Variants in ERAP1 observed in about 807,000 individuals in gnomAD.
The protein encoded by ERAP1 is adipocyte-derived leucine aminopeptidase.
ERAP1 carries 86 observed loss-of-function variants against 103.7 expected under a neutral mutation model. The observed-to-expected ratio is 0.83, with a 90% CI of 0.70 to 0.99. The LOEUF (loss-of-function observed/expected upper bound fraction) is 0.99, where lower values mean the gene tolerates loss of function less well. ERAP1 is among the 50% of genes least tolerant of loss of function. The pLI is 0.00. For missense variants in ERAP1, 1,009 were observed against 1,128.4 expected (o/e 0.89, Z 1.52); for synonymous variants, 398 against 402.4 (o/e 0.99, Z 0.13).
At chr5:96,781,635 GATCTA>G (rs1312432498) in intron 16 of ERAP1, 53 bp downstream of exon 16, 11 of 1,606,308 alleles carry the variant, frequency 6.8e-6, no homozygotes, top group African/African-American at 2.7e-5. Flanking sequence ...ATGCCAGAAT[GATCTA>G]ATCTAATCTA....
the ERAP1 span, among the ~76,000 whole-genome samples, chr5:96,930,536 C>T: frequency 1.2e-4 from 18 of 152,294 alleles, no homozygotes; most frequent in East Asian, 3.5e-3. Context: ...TGGCTTCTGG[C>T]TGTGGGGTCA....
At chr5:96,920,428 G>C in the ERAP1 span, among the ~76,000 whole-genome samples, 578 of 152,268 alleles carry the variant, frequency 3.8e-3, 8 homozygotes, top group Non-Finnish European at 4.7e-3. Flanking sequence ...TAGATGAGCA[G>C]AACTGGCCAG....
the ERAP1 span, chr5:96,896,916 G>A: frequency 6.7e-7 from 1 of 1,485,170 alleles, no homozygotes; most frequent in African/African-American, 1.4e-5. Context: ...GAAAGTAACA[G>A]AATAATTGTG....
chr5:96,906,744 A>G, the ERAP1 span, among the ~76,000 whole-genome samples: 1 of 152,112 alleles, frequency 6.6e-6, no homozygotes, highest in Non-Finnish European at 1.5e-5. Flanking sequence ...TAAAGAGAAA[A>G]CCCCACATTG....
chr5:96,780,822 C>T (rs1412534060), intron 17 of ERAP1, among the ~76,000 whole-genome samples: 1 of 152,190 alleles, frequency 6.6e-6, no homozygotes, highest in Non-Finnish European at 1.5e-5. Context: ...TCAGATATGT[C>T]CATGGGCTCA....
downstream of ERAP1, chr5:96,769,854 A>G (rs1273876765): frequency 6.8e-6 from 1 of 147,238 alleles, no homozygotes; most frequent in Non-Finnish European, 1.5e-5. Context: ...GGCTTATATC[A>G]TCTAGTATAA....
chr5:96,855,006 A>C, the ERAP1 span, among the ~76,000 whole-genome samples: 13,745 of 152,256 alleles, frequency 0.09, 804 homozygotes, highest in Middle Eastern at 0.16. Flanking sequence ...CATTTTACAC[A>C]AATGAAAGGC....
rs1450010159 is a variant in ERAP1 at position 96,781,166 on chromosome 5, A to AT, written c.2479dup (p.Ile827AsnfsTer39). ...AATTTGTGGAAACTCCTGAGTTTTTATTTTATCTCCCTTAAAGCTTTCATC... is the reference window on the plus strand; with the variant it reads ...AATTTGTGGAAACTCCTGAGTTTTTATTTTTATCTCCCTTAAAGCTTTCATC... On this transcript the variant is annotated frameshift_variant, in exon 17 of 19. Coordinates refer to ENST00000443439, the MANE Select transcript of ERAP1 (RefSeq NM_001040458.3). LOFTEE classifies it high-confidence loss of function. 3 of 1,613,088 alleles carry AT rather than the reference A, an allele frequency of 1.9e-6. No individual in the cohort carries two copies. In the East Asian group the frequency reaches 6.7e-5, roughly 36 times the overall value.
At chr5:96,827,543 T>TA in the ERAP1 span, among the ~76,000 whole-genome samples, 1 of 152,140 alleles carries the variant, frequency 6.6e-6, no homozygotes, top group African/African-American at 2.4e-5. Context: ...CATGTGCCTG[T>TA]AGTCCCAGCT....
intron 3 of ERAP1, among the ~76,000 whole-genome samples, chr5:96,798,870 C>CTTTTTT (rs1561283595): frequency 3.4e-5 from 2 of 58,084 alleles, no homozygotes; most frequent in Non-Finnish European, 8.9e-5. Flanking sequence ...ACAAAAATTT[C>CTTTTTT]CTTTTTTTTT....
the ERAP1 span, among the ~76,000 whole-genome samples, chr5:96,852,310 G>A: frequency 4.6e-5 from 7 of 152,154 alleles, no homozygotes; most frequent in Non-Finnish European, 7.4e-5. Flanking sequence ...GGACAGATCC[G>A]TGTCTCCAAC....
At chr5:96,935,748 A>C in the ERAP1 span, 1 of 196,442 alleles carries the variant, frequency 5.1e-6, no homozygotes, top group Non-Finnish European at 1.0e-5. Context: ...TTTCTGGCGC[A>C]GTGCGGGTGT....
At chr5:96,810,086 G>A (rs1348157947), upstream of ERAP1, among the ~76,000 whole-genome samples, 2 of 152,124 alleles carry the variant, frequency 1.3e-5, no homozygotes, top group Non-Finnish European at 1.5e-5. Context: ...GCTCCACGCC[G>A]TTTCCCCAAA....
the ERAP1 span, among the ~76,000 whole-genome samples, chr5:96,845,948 T>C: frequency 6.6e-6 from 1 of 152,172 alleles, no homozygotes; most frequent in Non-Finnish European, 1.5e-5. Context: ...GTAGTACTAG[T>C]CCAGCATACA....
chr5:96,903,991 C>T, the ERAP1 span, among the ~76,000 whole-genome samples: 1 of 152,206 alleles, frequency 6.6e-6, no homozygotes, highest in Non-Finnish European at 1.5e-5. Context: ...TTCGACCCCA[C>T]ATTTAAAATG....
intron 19 of ERAP1, chr5:96,763,336 A>T (rs1768676337): frequency 6.6e-6 from 5 of 760,604 alleles, no homozygotes; most frequent in Non-Finnish European, 1.2e-5. Flanking sequence ...AAACCAGTAA[A>T]ATGCCCCGTG....
At chr5:96,912,875 C>A in the ERAP1 span, 2 of 1,235,366 alleles carry the variant, frequency 1.6e-6, no homozygotes, top group South Asian at 1.4e-5. Context: ...CTTCAGCCAC[C>A]AGTTTTAAAG....
the ERAP1 span, among the ~76,000 whole-genome samples, chr5:96,854,843 A>G: frequency 6.6e-6 from 1 of 152,190 alleles, no homozygotes; most frequent in Non-Finnish European, 1.5e-5. Context: ...AGTTTAACCA[A>G]AACTTAAAAT....
In ERAP1 at chr5:96,780,521, T is replaced by C; in HGVS notation, c.2589-17A>G. 1 of 1,584,978 alleles carries C rather than the reference T, an allele frequency of 6.3e-7. No individual in the cohort carries two copies. On this transcript the variant is annotated splice_polypyrimidine_tract_variant and intron_variant, in intron 17 of 18. Coordinates refer to ENST00000443439, the MANE Select transcript of ERAP1 (RefSeq NM_001040458.3). ...AGTTCAAACCTAGAGAGGGAAATAT[T>C]CAAAAACGGGTTGTGAAATACTTAT...
Sources: allele counts gnomAD v4.1 joint callset (sites outside exome capture counted in the v4.1 genomes callset), GRCh38; gene constraint gnomAD v4.1.1; transcripts MANE v1.5; gene names NCBI Gene and HGNC (gene_info 2026-07-23, HGNC 2026-07-21).